The following CHIC2 variants were observed in gnomAD, a reference collection of about 807,000 sequenced individuals.
The protein encoded by CHIC2 is cysteine rich hydrophobic domain 2.
Under a neutral mutation model 25.9 loss-of-function variants are expected in CHIC2, and 14 were observed. The ratio of observed to expected loss-of-function variants is 0.54; its 90% CI spans 0.36 to 0.85. The LOEUF is 0.85. CHIC2 is among the 40% of genes least tolerant of loss of function. The pLI is 0.01. For missense variants in CHIC2, 146 were observed against 202.0 expected (o/e 0.72, Z 1.68); for synonymous variants, 70 against 72.0 (o/e 0.97, Z 0.14).
At chr4:54,047,045 A>C (rs1308187391) in intron 3 of CHIC2, among the ~76,000 whole-genome samples, 2 of 152,256 alleles carry the variant, frequency 1.3e-5, no homozygotes, top group South Asian at 4.1e-4. Flanking sequence ...AACACATGAA[A>C]AAATGCTCAT....
At chr4:54,069,818 C>A in the CHIC2 span, among the ~76,000 whole-genome samples, 1 of 152,230 alleles carries the variant, frequency 6.6e-6, no homozygotes, top group Non-Finnish European at 1.5e-5. Context: ...TTCACTCATT[C>A]ATTCATTCAA....
intron 5 of CHIC2, among the ~76,000 whole-genome samples, chr4:54,010,658 CTGTT>C (rs1437159941): frequency 6.6e-6 from 1 of 152,086 alleles, no homozygotes; most frequent in African/African-American, 2.4e-5. Flanking sequence ...TGTGGAGTCA[CTGTT>C]TGAATAAAAG....
chr4:54,056,269 C>T (rs1238023335), intron 1 of CHIC2, among the ~76,000 whole-genome samples: 2 of 151,418 alleles, frequency 1.3e-5, no homozygotes, highest in African/African-American at 4.9e-5. Flanking sequence ...TGCAGCTGAT[C>T]TAACTTAACA....
chr4:54,058,272 C>T (rs1717232425), intron 1 of CHIC2, among the ~76,000 whole-genome samples: 1 of 152,122 alleles, frequency 6.6e-6, no homozygotes, highest in Non-Finnish European at 1.5e-5. Context: ...TAAATTCTGA[C>T]TCTCACACGT....
At chr4:54,045,581 CT>C (rs1361191853) in intron 3 of CHIC2, among the ~76,000 whole-genome samples, 2 of 151,900 alleles carry the variant, frequency 1.3e-5, no homozygotes, top group Non-Finnish European at 2.9e-5. Flanking sequence ...CAGAAAAGGC[CT>C]TTGACAAAAT....
chr4:54,072,033 G>A, the CHIC2 span, among the ~76,000 whole-genome samples: 3 of 151,562 alleles, frequency 2.0e-5, no homozygotes, highest in South Asian at 2.1e-4. Context: ...GGTGGCTCAC[G>A]TCTGTAATCC....
At chr4:54,035,513 G>A (rs1017423441) in intron 3 of CHIC2, among the ~76,000 whole-genome samples, 2 of 152,034 alleles carry the variant, frequency 1.3e-5, no homozygotes, top group African/African-American at 4.8e-5. Flanking sequence ...TTGAATTACA[G>A]GCATACAGTT....
rs1162725997 is a variant in CHIC2, at chr4:54,009,977, CAA to C, written c.*116_*117del. ...TTTAAAAAAAAAACAAAAACAAAAA[CAA>C]AAAAAACACCACACGATTCTGTAGA... On this transcript the variant is annotated 3_prime_UTR_variant, in exon 6 of 6. Coordinates refer to ENST00000263921, the MANE Select transcript of CHIC2 (RefSeq NM_012110.4). 601 of 465,988 alleles carry C rather than the reference CAA, an allele frequency of 1.3e-3. 5 individuals are homozygous for C. The highest frequency in any genetic ancestry group is 1.6e-3 in the Non-Finnish European group (451 of 275,938). 28.9% of individuals were successfully genotyped at this position (465,988 alleles called of 1,614,324 possible). A position where few individuals can be genotyped will look rare whatever the true frequency, so the allele number is the denominator to read the frequency against.
chr4:54,015,410 T>C (rs1296459814), intron 3 of CHIC2, among the ~76,000 whole-genome samples: 3 of 152,162 alleles, frequency 2.0e-5, no homozygotes, highest in South Asian at 2.1e-4. Flanking sequence ...TTTGTAAAGA[T>C]AGCCTTTTAG....
intron 5 of CHIC2, among the ~76,000 whole-genome samples, chr4:54,013,071 T>C (rs190243106): frequency 6.6e-6 from 1 of 152,240 alleles, no homozygotes; most frequent in East Asian, 1.9e-4. Context: ...ACTATTAACT[T>C]TTCCTTAGAT....
At chr4:54,077,241 T>G in the CHIC2 span, among the ~76,000 whole-genome samples, 1 of 152,222 alleles carries the variant, frequency 6.6e-6, no homozygotes, top group African/African-American at 2.4e-5. Context: ...TTCCTTCAGT[T>G]CTTTTTTTCT....
chr4:54,012,065 T>A (rs1045403707), intron 5 of CHIC2, among the ~76,000 whole-genome samples: 1 of 151,992 alleles, frequency 6.6e-6, no homozygotes, highest in Admixed American at 6.6e-5. Flanking sequence ...ATCACAAATA[T>A]ATATATATAC....
chr4:54,073,463 A>C, the CHIC2 span, among the ~76,000 whole-genome samples: 3 of 152,222 alleles, frequency 2.0e-5, no homozygotes, highest in African/African-American at 7.2e-5. Flanking sequence ...TAAATAACTC[A>C]TTCTGGAGGA....
chr4:54,081,302 T>G, the CHIC2 span, among the ~76,000 whole-genome samples: 5 of 151,878 alleles, frequency 3.3e-5, no homozygotes, highest in Non-Finnish European at 4.4e-5. Context: ...AAATTACTTC[T>G]TTGAATCTTT....
At chr4:54,085,945 G>C in the CHIC2 span, among the ~76,000 whole-genome samples, 1 of 151,106 alleles carries the variant, frequency 6.6e-6, no homozygotes, top group Non-Finnish European at 1.5e-5. Flanking sequence ...GGAAATAACA[G>C]TTAAAAAAAA....
At position 54,013,916 on chromosome 4, in the gene CHIC2, A is replaced by G; in HGVS notation, c.388-20T>C. On this transcript the variant is annotated intron_variant, in intron 4 of 5. Transcript: ENST00000263921. ...GCACAGCTAGACAAGTAGGAAAGTA[A>G]AAGAAGAAAAATGAGCTCTATTTTA... The G allele has an allele frequency of 6.2e-7, 1 of 1,612,502 alleles. No individual in the cohort carries two copies. The highest frequency in any genetic ancestry group is 8.5e-7 in the Non-Finnish European group (1 of 1,179,014).
At chr4:54,037,246 G>T (rs556823220) in intron 3 of CHIC2, among the ~76,000 whole-genome samples, 135 of 152,190 alleles carry the variant, frequency 8.9e-4, no homozygotes, top group Non-Finnish European at 1.6e-3. Flanking sequence ...CTACTTGGGA[G>T]GCCGAGGTAG....
upstream of CHIC2, among the ~76,000 whole-genome samples, chr4:54,069,302 T>G (rs1047388536): frequency 1.3e-5 from 2 of 152,154 alleles, no homozygotes; most frequent in African/African-American, 4.8e-5. Context: ...GTACTGAGAT[T>G]ATAGGCATGA....
chr4:54,060,295 T>A (rs1245790810), intron 1 of CHIC2: 2 of 152,172 alleles, frequency 1.3e-5, no homozygotes, highest in Non-Finnish European at 2.9e-5. Flanking sequence ...AAGCAAAAAG[T>A]GGTTTCCGAC....
Sources: allele counts gnomAD v4.1 joint callset (sites outside exome capture counted in the v4.1 genomes callset), GRCh38; gene constraint gnomAD v4.1.1; transcripts MANE v1.5; gene names NCBI Gene and HGNC (gene_info 2026-07-23, HGNC 2026-07-21).